The following KCNN2 variants were observed in gnomAD, a reference collection of about 807,000 sequenced individuals.
KCNN2 encodes small conductance calcium-activated potassium channel protein 2.
A neutral mutation model predicts 55.5 loss-of-function variants in KCNN2; 24 were observed. The observed-to-expected ratio is 0.43, with a 90% CI of 0.31 to 0.61. The LOEUF (loss-of-function observed/expected upper bound fraction) is 0.61, where lower values mean the gene tolerates loss of function less well. Ranked by LOEUF, KCNN2 falls within the 20% of genes least tolerant of loss-of-function variation. The pLI, the probability that KCNN2 is intolerant of heterozygous loss-of-function variation, is 0.08. For missense variants in KCNN2, 754 were observed against 853.6 expected (o/e 0.88, Z 1.45); for synonymous variants, 431 against 336.1 (o/e 1.28, Z -3.09).
chr5:114,307,647 T>A (rs1335332324), intron 2 of KCNN2, among the ~76,000 whole-genome samples: 2 of 152,222 alleles, frequency 1.3e-5, no homozygotes, highest in African/African-American at 2.4e-5. Flanking sequence ...ATTACCTTAA[T>A]GAAAGGACAA....
intron 1 of KCNN2, among the ~76,000 whole-genome samples, chr5:114,178,434 C>T (rs990597333): frequency 2.0e-5 from 3 of 152,138 alleles, no homozygotes; most frequent in Non-Finnish European, 4.4e-5. Context: ...TGTGGTCAAG[C>T]TTGTTAAAGA....
At chr5:114,208,692 T>TA (rs993574963) in intron 1 of KCNN2, among the ~76,000 whole-genome samples, 19 of 152,196 alleles carry the variant, frequency 1.2e-4, no homozygotes, top group East Asian at 1.9e-4. Context: ...GTCCTCAGCC[T>TA]AAAAAATCCA....
intron 6 of KCNN2, among the ~76,000 whole-genome samples, chr5:114,490,104 A>T (rs182624548): frequency 1.3e-5 from 2 of 152,230 alleles, no homozygotes; most frequent in Admixed American, 1.3e-4. Context: ...CTCTTTCTCT[A>T]ACTTTTAACG....
intron 1 of KCNN2, among the ~76,000 whole-genome samples, chr5:114,127,695 T>G (rs1306862274): frequency 1.1e-4 from 16 of 152,202 alleles, no homozygotes; most frequent in Admixed American, 7.2e-4. Context: ...CTGATTTGAA[T>G]TTCTCCCCAG....
chr5:114,263,080 T>C (rs1755140620), intron 2 of KCNN2, among the ~76,000 whole-genome samples: 1 of 152,202 alleles, frequency 6.6e-6, no homozygotes, highest in African/African-American at 2.4e-5. Flanking sequence ...GGCTGCTTAC[T>C]ATCCTTCTTA....
intron 1 of KCNN2, among the ~76,000 whole-genome samples, chr5:114,102,335 A>T (rs1232175605): frequency 6.6e-6 from 1 of 151,336 alleles, no homozygotes; most frequent in East Asian, 2.0e-4. Context: ...TCTGGATATT[A>T]GCCCTTTGTC....
intron 2 of KCNN2, among the ~76,000 whole-genome samples, chr5:114,377,729 C>G (rs557622388): frequency 1.3e-5 from 2 of 152,010 alleles, no homozygotes; most frequent in Admixed American, 6.5e-5. Context: ...TCTGTGTGAC[C>G]GTAAGAAGAC....
intron 2 of KCNN2, among the ~76,000 whole-genome samples, chr5:114,295,755 C>T (rs760427828): frequency 5.3e-5 from 8 of 152,126 alleles, no homozygotes; most frequent in African/African-American, 1.4e-4. Flanking sequence ...AACCCGGTAC[C>T]TTAGATGGAA....
chr5:114,059,557 G>A (rs77651099), intron 1 of KCNN2, among the ~76,000 whole-genome samples: 17,717 of 152,230 alleles, frequency 0.12, 1,140 homozygotes, highest in South Asian at 0.24. Context: ...GTAAATATTT[G>A]TTGAATAGAT....
intron 3 of KCNN2, among the ~76,000 whole-genome samples, chr5:114,449,033 T>A (rs994597535): frequency 6.6e-6 from 1 of 152,166 alleles, no homozygotes; most frequent in African/African-American, 2.4e-5. Context: ...AGTGCTAGTG[T>A]TGGTAGGAGA....
In KCNN2 at chr5:114,404,826, T is replaced by C. The variant is rs1758882248; in HGVS notation, c.1607T>C (p.Ile536Thr). Reference sequence around the variant, plus strand: ...GTTTTTAGTATCTCATTATGGATAATTGCCGCATGGACTGTCCGAGCTTGT... The same window carrying C: ...GTTTTTAGTATCTCATTATGGATAACTGCCGCATGGACTGTCCGAGCTTGT... The part of the protein sequence containing the change: ...LLVFSISLWI[I>T]AAWTVRACER... Residue 536 changes from isoleucine (I) to threonine (T), a missense_variant, in exon 3 of 8, where the codon ATT (isoleucine) becomes ACT (threonine). Physicochemically the swap from Ile to Thr is moderately conservative, Grantham distance 89 (BLOSUM62 -1). Around this residue, in one of 4 missense-constraint regions of KCNN2, gnomAD observed 86 missense variants for 233.0 expected, o/e 0.37. Transcript: ENST00000673685. 6.2e-7 allele frequency: 1 copy of C among 1,613,702 alleles called. No homozygotes were observed. The highest frequency in any genetic ancestry group is 1.1e-5 in the South Asian group (1 of 91,086).
intron 3 of KCNN2, among the ~76,000 whole-genome samples, chr5:114,407,055 G>T (rs1379472751): frequency 6.6e-6 from 1 of 151,848 alleles, no homozygotes; most frequent in Non-Finnish European, 1.5e-5. Flanking sequence ...TGTTTCTGGA[G>T]GCTTCTAGTA....
intron 2 of KCNN2, among the ~76,000 whole-genome samples, chr5:114,298,109 C>T (rs199853393): frequency 6.6e-6 from 1 of 152,210 alleles, no homozygotes; most frequent in Admixed American, 6.5e-5. Flanking sequence ...TCCGTAGATG[C>T]TAGATGCTGT....
intron 2 of KCNN2, among the ~76,000 whole-genome samples, chr5:114,313,718 C>G (rs1207565052): frequency 6.6e-6 from 1 of 152,098 alleles, no homozygotes; most frequent in Admixed American, 6.6e-5. Context: ...GGCATCTTCC[C>G]TTTAATATAT....
chr5:114,201,787 TGGCTGTGG>T (rs1753677425), intron 1 of KCNN2, among the ~76,000 whole-genome samples: 1 of 149,074 alleles, frequency 6.7e-6, no homozygotes, highest in Non-Finnish European at 1.5e-5. Flanking sequence ...GCCTGTTGCA[TGGCTGTGG>T]GTCTTGTCCT....
At chr5:114,376,864 C>T (rs1185611826) in intron 2 of KCNN2, among the ~76,000 whole-genome samples, 2 of 152,018 alleles carry the variant, frequency 1.3e-5, no homozygotes, top group Non-Finnish European at 2.9e-5. Flanking sequence ...GAGAGGATTG[C>T]TTGAAGGAAG....
chr5:114,076,852 C>T (rs1490073947), intron 1 of KCNN2, among the ~76,000 whole-genome samples: 1 of 151,998 alleles, frequency 6.6e-6, no homozygotes, highest in Non-Finnish European at 1.5e-5. Flanking sequence ...TGCCAACATG[C>T]CCGGCTAATT....
At chr5:114,343,734 TG>T (rs1757058594) in intron 2 of KCNN2, among the ~76,000 whole-genome samples, 1 of 151,856 alleles carries the variant, frequency 6.6e-6, no homozygotes, top group Admixed American at 6.6e-5. Flanking sequence ...CAGCAGGGTG[TG>T]GTGAGGGAAT....
At chr5:114,484,998 C>T (rs1464722323) in intron 5 of KCNN2, among the ~76,000 whole-genome samples, 1 of 152,200 alleles carries the variant, frequency 6.6e-6, no homozygotes, top group African/African-American at 2.4e-5. Flanking sequence ...CTGTATTCCC[C>T]TTCAACCACT....
Sources: gnomAD v4.1 joint callset for allele counts (sites outside exome capture counted in the v4.1 genomes callset) on GRCh38, gnomAD v4.1.1 for gene constraint, gnomAD v4.1.1 regional missense constraint, MANE v1.5 for transcripts, NCBI Gene and HGNC (gene_info 2026-07-23, HGNC 2026-07-21) for gene names.